Variants in MDFI observed in about 807,000 individuals in gnomAD.
MDFI encodes inhibitor of MyoD family a.
Under a neutral mutation model 22.3 loss-of-function variants are expected in MDFI, and 16 were observed. The ratio of observed to expected loss-of-function variants is 0.72; its 90% CI spans 0.49 to 1.09. MDFI has a LOEUF of 1.09. MDFI is among the 50% of genes least tolerant of loss of function. The probability of loss-of-function intolerance (pLI) is 0.00; values close to 1 mark genes in which losing one functional copy is unlikely to be tolerated. For synonymous variants in MDFI, 145 were observed against 142.7 expected, an observed-to-expected ratio of 1.02 and a Z score of -0.12; for missense variants, 314 against 326.1, an observed-to-expected ratio of 0.96 and a Z score of 0.29.
intron 2 of MDFI, chr6:41,639,140 T>G: frequency 8.4e-6 from 6 of 714,064 alleles, no homozygotes; most frequent in Non-Finnish European, 1.0e-5. Flanking sequence ...CCGTCTGGGA[T>G]TTGTGTCTCA....
intron 2 of MDFI, among the ~76,000 whole-genome samples, chr6:41,640,439 C>A (rs1767809758): frequency 6.6e-6 from 1 of 152,116 alleles, no homozygotes; most frequent in Non-Finnish European, 1.5e-5. Flanking sequence ...TAACTTGAGG[C>A]CCCCCAGCAC....
At chr6:41,650,933 T>A (rs145461028) in intron 4 of MDFI, among the ~76,000 whole-genome samples, 1,820 of 152,148 alleles carry the variant, frequency 0.012, 37 homozygotes, top group African/African-American at 0.04. Flanking sequence ...GCCAGGCACG[T>A]TGGCTCACTT....
chr6:41,642,530 G>A (rs1767889742), intron 2 of MDFI, among the ~76,000 whole-genome samples: 1 of 152,166 alleles, frequency 6.6e-6, no homozygotes, highest in Non-Finnish European at 1.5e-5. Flanking sequence ...AGGGGTCTGG[G>A]CCACCCGGGC....
In MDFI at chr6:41,646,174, C is replaced by G; in HGVS notation, c.125C>G (p.Thr42Ser). The change falls in exon 3 of 5, where the codon ACT becomes AGT. Residue 42 changes from threonine (T) to serine (S), a missense_variant. By Grantham distance (58) the Thr-to-Ser change is moderately conservative (BLOSUM62 1). Transcript: ENST00000230321. Reference protein sequence around the residue: ...LPGLEVVTGSTHPAEAAPEEG... With the variant: ...LPGLEVVTGSSHPAEAAPEEG... ...GGGCTGGAGGTAGTAACAGGATCCA[C>G]TCACCCTGCGGAGGCAGCACCAGAG... 6.3e-7 allele frequency: 1 copy of G among 1,585,476 alleles called. No homozygotes were observed. The highest frequency in any genetic ancestry group is 8.6e-7 in the Non-Finnish European group (1 of 1,166,362).
At chr6:41,649,923 G>A (rs1307118774) in intron 4 of MDFI, 80 bp downstream of exon 4, 2 of 1,197,344 alleles carry the variant, frequency 1.7e-6, no homozygotes, top group Non-Finnish European at 2.4e-6. Flanking sequence ...GCCCACTGGA[G>A]CACCTTCACC....
At chr6:41,647,337 G>A (rs1009403501) in intron 3 of MDFI, among the ~76,000 whole-genome samples, 2 of 152,192 alleles carry the variant, frequency 1.3e-5, no homozygotes, top group Admixed American at 6.5e-5. Context: ...GTCTGTCCAC[G>A]TCGCCCAGAT....
At chr6:41,640,040 C>A (rs2250898) in intron 2 of MDFI, 25 of 702,580 alleles carry the variant, frequency 3.6e-5, no homozygotes, top group Non-Finnish European at 4.2e-5. Context: ...CCATCTTGGC[C>A]AAGCCTCAAA....
At chr6:41,651,060 AGC>A (rs1259584513) in intron 4 of MDFI, among the ~76,000 whole-genome samples, 2 of 152,066 alleles carry the variant, frequency 1.3e-5, no homozygotes, top group Non-Finnish European at 2.9e-5. Context: ...ACAAAAAATT[AGC>A]CAGGCGTGGC....
chr6:41,640,528 C>T (rs1272631031), intron 2 of MDFI, among the ~76,000 whole-genome samples: 1 of 152,228 alleles, frequency 6.6e-6, no homozygotes, highest in East Asian at 1.9e-4. Context: ...CTGCCACCGC[C>T]TTGGGAGAAT....
chr6:41,649,595 C>T, intron 3 of MDFI, 24 bp from the exon 4 acceptor site: 1 of 1,540,544 alleles, frequency 6.5e-7, no homozygotes, highest in Non-Finnish European at 8.8e-7. Context: ...CTTTTCCCAT[C>T]ACACTTTCTC....
chr6:41,638,815 C>A lies in MDFI; in HGVS notation c.66C>A (p.Ala22=). The change falls in exon 2 of 5, where the codon GCC becomes GCA. Residue 22 remains alanine, a synonymous_variant. Transcript: ENST00000230321. This position sits in a 1 kb window ranked among gnomAD's most constrained non-coding sequence, Gnocchi z 7.6. ...CGCCCTATGGAGCCCCCAGCGCAGCCCCGGGCCCAGGTAGGACCGGGAGTG... is the reference window on the plus strand; with the variant it reads ...CGCCCTATGGAGCCCCCAGCGCAGCACCGGGCCCAGGTAGGACCGGGAGTG... The part of the protein sequence containing the change: ...CDAPYGAPSA[A]PGPAQTLSLL... 6.4e-7 allele frequency: 1 copy of A among 1,559,248 alleles called. No homozygotes were observed. Among genetic ancestry groups the A allele is most frequent in the East Asian group, 2.3e-5 (1 of 42,672 alleles).
chr6:41,638,698 G>T lies in MDFI; in HGVS notation c.-11-41G>T. ...CGCATCTGCGGGGGAATCGCCCCTT[G>T]CCCGCCTCCGGCGCCGCCCGCTGAG... is the stretch of plus-strand genomic sequence containing the variant. On this transcript the variant is annotated intron_variant, in intron 1 of 4. Coordinates refer to ENST00000230321, the MANE Select transcript of MDFI (RefSeq NM_005586.4). This position sits in a 1 kb window ranked among gnomAD's most constrained non-coding sequence, Gnocchi z 7.6. 1.3e-6 allele frequency: 2 copies of T among 1,532,414 alleles called. No homozygotes were observed. 94.9% of individuals were successfully genotyped at this position (1,532,414 alleles called of 1,614,324 possible).
rs1483037522 is a variant in MDFI at position 41,653,646 on chromosome 6, G to A, written c.*71G>A. 2.9e-5 allele frequency: 45 copies of A among 1,566,812 alleles called. No individual in the cohort carries two copies. The highest frequency in any genetic ancestry group is 4.0e-5 in the African/African-American group (3 of 74,234). ...GCAGGGTCCCTCTGAGTGGGGCCAGGCCCAGGACTGTCACACAAGGCTTGA... is the reference window on the plus strand; with the variant it reads ...GCAGGGTCCCTCTGAGTGGGGCCAGACCCAGGACTGTCACACAAGGCTTGA... On this transcript the variant is annotated 3_prime_UTR_variant, in exon 5 of 5. Coordinates refer to ENST00000230321, the MANE Select transcript of MDFI (RefSeq NM_005586.4). This position sits in a 1 kb window ranked among gnomAD's most constrained non-coding sequence, Gnocchi z 4.2.
At chr6:41,639,099 A>AAC (rs61519784) in intron 2 of MDFI, 2 of 437,280 alleles carry the variant, frequency 4.6e-6, no homozygotes, top group Non-Finnish European at 6.0e-6. Context: ...CACACACACA[A>AAC]ACACACACAC....
rs1581842058 is a variant in MDFI, at chr6:41,649,897, G to A, written c.484+54G>A. The A allele has an allele frequency of 9.9e-6, 15 of 1,512,808 alleles. No homozygotes were observed. The East Asian group carries it at 1.6e-4, about 16-fold the overall frequency. The allele number at this position is 1,512,808 out of a possible 1,614,324, so 93.7% of individuals were successfully genotyped here. On this transcript the variant is annotated intron_variant, in intron 4 of 4. Transcript: ENST00000230321. Reference sequence around the variant, plus strand: ...AGAGGCCTCCAAAGCCGGGTTCCTCGAAGCATGACGCATGGGCCCACTGGA... The same window carrying A: ...AGAGGCCTCCAAAGCCGGGTTCCTCAAAGCATGACGCATGGGCCCACTGGA...
chr6:41,639,565 C>T (rs1420620500), intron 2 of MDFI: 13 of 985,332 alleles, frequency 1.3e-5, no homozygotes, highest in Non-Finnish European at 1.6e-5. Context: ...AGTCCCTTCC[C>T]CTCACTGGCC....
chr6:41,649,356 C>T (rs756449656), intron 3 of MDFI, among the ~76,000 whole-genome samples: 5 of 152,190 alleles, frequency 3.3e-5, no homozygotes, highest in Non-Finnish European at 7.3e-5. Context: ...TCCAGGGCTC[C>T]GAGCCCCTGC....
chr6:41,639,635 T>G (rs886507225), intron 2 of MDFI: 3 of 985,282 alleles, frequency 3.0e-6, no homozygotes, highest in Non-Finnish European at 3.6e-6. Flanking sequence ...CAGGAACCTC[T>G]GGGATGTGTT....
At chr6:41,649,975 G>C (rs909505790) in intron 4 of MDFI, 132 bp downstream of exon 4, 1 of 770,062 alleles carries the variant, frequency 1.3e-6, no homozygotes. Context: ...CTCCTTCCAC[G>C]CCTACTGGAT....
Sources: gnomAD v4.1 joint callset for allele counts (sites outside exome capture counted in the v4.1 genomes callset) on GRCh38, gnomAD v4.1.1 for gene constraint, Gnocchi (gnomAD v3.1) non-coding constraint, MANE v1.5 for transcripts, NCBI Gene and HGNC (gene_info 2026-07-23, HGNC 2026-07-21) for gene names.